GRID1: variants seen among roughly 807,000 people sequenced by gnomAD.
GRID1 encodes the protein glutamate ionotropic receptor delta type subunit 1.
In GRID1, 28 loss-of-function variants were observed where a neutral mutation model predicts 98.0. The observed-to-expected ratio is 0.29, with a 90% confidence interval of 0.21 to 0.39. The LOEUF (loss-of-function observed/expected upper bound fraction) is 0.39, where lower values mean the gene tolerates loss of function less well. Among genes scored for constraint, GRID1 ranks in the 10% least tolerant of loss-of-function variants. The pLI is 1.00. For synonymous variants in GRID1, 553 were observed against 538.5 expected, an observed-to-expected ratio of 1.03 and a Z score of -0.37; for missense variants, 1,111 against 1,340.5, an observed-to-expected ratio of 0.83 and a Z score of 2.67.
intron 4 of GRID1, among the ~76,000 whole-genome samples, chr10:85,990,931 A>G (rs1050532276): frequency 4.6e-5 from 7 of 152,188 alleles, no homozygotes; most frequent in African/African-American, 1.7e-4. Context: ...GTCACTTTTA[A>G]TCATTAAAAA....
At chr10:86,295,444 G>A (rs1847574758) in intron 2 of GRID1, among the ~76,000 whole-genome samples, 1 of 152,174 alleles carries the variant, frequency 6.6e-6, no homozygotes, top group Non-Finnish European at 1.5e-5. Context: ...ACACGGGTGG[G>A]TAGGCAGGCA....
chr10:85,627,982 T>A (rs532271020), intron 13 of GRID1, among the ~76,000 whole-genome samples: 23 of 152,212 alleles, frequency 1.5e-4, no homozygotes, highest in Admixed American at 1.5e-3. Flanking sequence ...AAGCAGTGTG[T>A]GTGCATGAGT....
intron 13 of GRID1, among the ~76,000 whole-genome samples, chr10:85,626,549 T>A (rs1323354899): frequency 6.6e-6 from 1 of 152,192 alleles, no homozygotes; most frequent in African/African-American, 2.4e-5. Context: ...TCTCTGTACA[T>A]CAGGGACTCT....
chr10:85,983,962 T>C (rs765713467), intron 4 of GRID1, among the ~76,000 whole-genome samples: 14 of 152,058 alleles, frequency 9.2e-5, no homozygotes, highest in Non-Finnish European at 2.1e-4. Flanking sequence ...GCTGAAGTCC[T>C]CCTCATACCT....
intron 4 of GRID1, among the ~76,000 whole-genome samples, chr10:86,103,881 T>A (rs561283272): frequency 6.6e-6 from 1 of 152,278 alleles, no homozygotes; most frequent in Admixed American, 6.5e-5. Context: ...CAATCAGTCA[T>A]CCAGTGACAG....
chr10:85,721,142 A>AAT (rs1841698291), intron 12 of GRID1, among the ~76,000 whole-genome samples: 1 of 152,360 alleles, frequency 6.6e-6, no homozygotes, highest in African/African-American at 2.4e-5. Context: ...AACCACAATG[A>AAT]AGTATGACTC....
chr10:85,707,424 C>T (rs1428063920), intron 12 of GRID1, among the ~76,000 whole-genome samples: 6 of 152,190 alleles, frequency 3.9e-5, no homozygotes, highest in Non-Finnish European at 8.8e-5. Flanking sequence ...TACCATCTCA[C>T]ACCAGTTAGA....
intron 2 of GRID1, among the ~76,000 whole-genome samples, chr10:86,347,730 A>G (rs1848405539): frequency 6.6e-6 from 1 of 152,220 alleles, no homozygotes; most frequent in Non-Finnish European, 1.5e-5. Flanking sequence ...CTTTTCTATT[A>G]CATGGCCTAA....
intron 2 of GRID1, among the ~76,000 whole-genome samples, chr10:86,234,920 A>G (rs1336661369): frequency 1.3e-5 from 2 of 152,216 alleles, no homozygotes; most frequent in Non-Finnish European, 2.9e-5. Context: ...TGGAACCACC[A>G]GCCAAATCAA....
intron 2 of GRID1, among the ~76,000 whole-genome samples, chr10:86,317,517 A>G (rs553501850): frequency 4.3e-4 from 65 of 152,086 alleles, no homozygotes; most frequent in Non-Finnish European, 7.8e-4. Flanking sequence ...CCATACTGCC[A>G]CATTTCTTGG....
intron 8 of GRID1, among the ~76,000 whole-genome samples, chr10:85,750,372 C>T (rs896971550): frequency 4.6e-5 from 7 of 152,192 alleles, no homozygotes; most frequent in African/African-American, 1.7e-4. Context: ...GATATGATTA[C>T]TCCTATTTTA....
intron 5 of GRID1, among the ~76,000 whole-genome samples, chr10:85,902,014 T>C (rs1200580706): frequency 6.6e-6 from 1 of 152,248 alleles, no homozygotes; most frequent in East Asian, 1.9e-4. Flanking sequence ...GGGACATACA[T>C]AAGCTTGTTT....
At chr10:85,681,786 T>C (rs866031160) in intron 12 of GRID1, among the ~76,000 whole-genome samples, 1 of 152,096 alleles carries the variant, frequency 6.6e-6, no homozygotes, top group Non-Finnish European at 1.5e-5. Flanking sequence ...AGCTGCCCGA[T>C]GGAGGGTCTT....
chr10:86,296,788 T>C (rs780220665), intron 2 of GRID1, among the ~76,000 whole-genome samples: 12 of 1,084 alleles, frequency 0.011, no homozygotes, highest in South Asian at 0.08. Context: ...CATACACACA[T>C]ACATACATAC....
chr10:86,336,747 T>C (rs887550240), intron 2 of GRID1, among the ~76,000 whole-genome samples: 12 of 152,146 alleles, frequency 7.9e-5, no homozygotes, highest in Admixed American at 5.2e-4. Context: ...AACATGGCTA[T>C]AAATTGTTTC....
chr10:85,907,542 T>C (rs557699712), intron 5 of GRID1, among the ~76,000 whole-genome samples: 5 of 152,290 alleles, frequency 3.3e-5, no homozygotes, highest in Non-Finnish European at 7.4e-5. Context: ...TTAAAACACT[T>C]CCCTAAAGAA....
chr10:85,738,223 G>T (rs1327151950), intron 8 of GRID1, among the ~76,000 whole-genome samples: 1 of 152,154 alleles, frequency 6.6e-6, no homozygotes, highest in Non-Finnish European at 1.5e-5. Context: ...TAAAAATACA[G>T]AAAGGACTTA....
chr10:86,186,978 A>C (rs923987017), intron 3 of GRID1, among the ~76,000 whole-genome samples: 2 of 152,204 alleles, frequency 1.3e-5, no homozygotes, highest in African/African-American at 4.8e-5. Context: ...AAGCTGGGGA[A>C]ACCAGGTTTT....
chr10:86,180,583 G>A (rs975907115), intron 3 of GRID1, among the ~76,000 whole-genome samples: 1 of 152,190 alleles, frequency 6.6e-6, no homozygotes, highest in Non-Finnish European at 1.5e-5. Flanking sequence ...AGAGGCCTGA[G>A]CACCCAGGAG....
Sources: allele counts gnomAD v4.1 joint callset (sites outside exome capture counted in the v4.1 genomes callset), GRCh38; gene constraint gnomAD v4.1.1; transcripts MANE v1.5; gene names NCBI Gene and HGNC (gene_info 2026-07-23, HGNC 2026-07-21).